Variants in OR4C5 observed in about 807,000 individuals in gnomAD.
OR4C5 encodes the protein olfactory receptor family 4 subfamily C member 5.
For synonymous variants in OR4C5, 134 were observed against 60.3 expected (o/e 2.22, Z -5.66); for missense variants, 301 against 157.9 (o/e 1.91, Z -4.86).
At position 48,365,988 on chromosome 11, in the gene OR4C5, G is replaced by T. The variant is rs72898885; in HGVS notation, c.478C>A (p.Gln160Lys). Reference protein sequence around the residue: ...PLYYLITMNRQVCGLLVAMAW... With the variant: ...PLYYLITMNRKVCGLLVAMAW... The stretch of plus-strand genomic sequence containing the variant: ...ATGGCCACCAGGAGGCCACATACCT[G>T]CCTGTTCATTGTGATCAGGTAGTAC... The change falls in exon 1 of 1, where the codon CAG becomes AAG. Residue 160 changes from glutamine to lysine, a missense_variant. Physicochemically the swap from Gln to Lys is moderately conservative, Grantham distance 53. Coordinates refer to ENST00000319813, the MANE Select transcript of OR4C5 (RefSeq NM_001348223.2). The T allele has an allele frequency of 7.0e-3, 5,020 of 714,546 alleles. 36 individuals are homozygous for T. Among genetic ancestry groups the T allele is most frequent in the Non-Finnish European group, 8.8e-3 (3,435 of 389,208 alleles). 44.3% of individuals were successfully genotyped at this position (714,546 alleles called of 1,614,324 possible). A position where few individuals can be genotyped will look rare whatever the true frequency, so the allele number is the denominator to read the frequency against.
At position 48,365,823 on chromosome 11, in the gene OR4C5, CGTGA is replaced by C. The variant is rs1565010570; in HGVS notation, c.639_642del (p.His214SerfsTer12). 5.7e-6 allele frequency: 4 copies of C among 703,400 alleles called. No homozygotes were observed. The highest frequency in any genetic ancestry group is 1.0e-5 in the Non-Finnish European group (4 of 385,108). The allele number at this position is 703,400 out of a possible 1,614,324, so 43.6% of individuals were successfully genotyped here. A position where few individuals can be genotyped will look rare whatever the true frequency, so the allele number is the denominator to read the frequency against. ...TTGGCGGCAACAAAGAGTCCAAAGACGTGAGTGTCAGTGCAGGAGAGTTTTAGCA... is the reference window on the plus strand; with the variant it reads ...TTGGCGGCAACAAAGAGTCCAAAGACGTGTCAGTGCAGGAGAGTTTTAGCA... On this transcript the variant is annotated frameshift_variant, in exon 1 of 1. Transcript: ENST00000319813. LOFTEE classifies it low-confidence loss of function (END_TRUNC).
Position 48,365,600 on chromosome 11 carries a change from G to A in OR4C5, c.866C>T (p.Thr289Ile). The A allele has an allele frequency of 1.4e-6, 1 of 703,010 alleles. No homozygotes were observed. Among genetic ancestry groups the A allele is most frequent in the Non-Finnish European group, 2.6e-6 (1 of 384,998 alleles). The allele number at this position is 703,010 out of a possible 1,614,324, so 43.5% of individuals were successfully genotyped here. The change falls in exon 1 of 1, where the codon ACT (threonine) becomes ATT (isoleucine). Residue 289 changes from threonine to isoleucine, a missense_variant. Transcript: ENST00000319813. ...PIDKAVSVFY[T>I]VVTPMLNPLI... ...AGGGTTTAACATGGGTGTTACCACA[G>A]TATAAAACACAGACACAGCTTTATC...
Position 48,365,749 on chromosome 11 carries a change from G to T in OR4C5, c.717C>A (p.Tyr239Ter). ...MLIFSILITSYVLILCSQRKA... is the reference protein window; with the variant it reads ...MLIFSILITS ...TCCGCTGTGAGCAGAGGATTAGGAC[G>T]TAAGAGGTAATAAGAATAGAAAAAA... Residue 239 changes from tyrosine to a stop codon, truncating the protein, a stop_gained, in exon 1 of 1, where the codon TAC (tyrosine) becomes TAA (stop). Transcript: ENST00000319813. LOFTEE classifies it low-confidence loss of function (END_TRUNC). The T allele has an allele frequency of 1.4e-6, 1 of 703,200 alleles. No homozygotes were observed. The highest frequency in any genetic ancestry group is 2.7e-5 in the East Asian group (1 of 37,286). The allele number at this position is 703,200 out of a possible 1,614,324, so 43.6% of individuals were successfully genotyped here. A position where few individuals can be genotyped will look rare whatever the true frequency, so the allele number is the denominator to read the frequency against.
chr11:48,365,550 C>CT lies in OR4C5; in HGVS notation c.915dup (p.Glu306ArgfsTer17), dbSNP rs1404688586. On this transcript the variant is annotated frameshift_variant, in exon 1 of 1. Transcript: ENST00000319813. LOFTEE classifies it low-confidence loss of function (END_TRUNC). ...AGCTGCTTCATGGCATTTTTCACCT[C>CT]TGTGTTTCTGAGGGTGTAGATTAAA... 1.4e-6 allele frequency: 1 copy of CT among 702,960 alleles called. No homozygotes were observed. Among genetic ancestry groups the CT allele is most frequent in the Non-Finnish European group, 2.6e-6 (1 of 385,030 alleles). The allele number at this position is 702,960 out of a possible 1,614,324, so 43.5% of individuals were successfully genotyped here. A position where few individuals can be genotyped will look rare whatever the true frequency, so the allele number is the denominator to read the frequency against.
rs1021885269 is a variant in OR4C5 at position 48,365,566 on chromosome 11, GTAGAT to G, written c.895_899del (p.Ile299HisfsTer22). 31 of 702,940 alleles carry G rather than the reference GTAGAT, an allele frequency of 4.4e-5. No homozygotes were observed. In the Admixed American group the frequency reaches 6.0e-4, roughly 14 times the overall value. 43.5% of individuals were successfully genotyped at this position (702,940 alleles called of 1,614,324 possible). Reference sequence around the variant, plus strand: ...TTTTCACCTCTGTGTTTCTGAGGGTGTAGATTAAAGGGTTTAACATGGGTGTTACC... The same window carrying G: ...TTTTCACCTCTGTGTTTCTGAGGGTGTAAAGGGTTTAACATGGGTGTTACC... On this transcript the variant is annotated frameshift_variant, in exon 1 of 1. Coordinates refer to ENST00000319813, the MANE Select transcript of OR4C5 (RefSeq NM_001348223.2). LOFTEE classifies it low-confidence loss of function (END_TRUNC).
chr11:48,365,656 C>T lies in OR4C5; in HGVS notation c.810G>A (p.Val270=), dbSNP rs775268938. Residue 270 remains valine (V), a synonymous_variant, in exon 1 of 1, where the codon GTG becomes GTA. Transcript: ENST00000319813. ...GGAAGGTGATCATGGGTCGAAGGTA[C>T]ACCAATATACAGGGAACAAAGAATA... The part of the protein sequence containing the change: ...VVLFFVPCIL[V]YLRPMITFPI... 28 of 702,930 alleles carry T rather than the reference C, an allele frequency of 4.0e-5. No homozygotes were observed. The highest frequency in any genetic ancestry group is 6.5e-5 in the Non-Finnish European group (25 of 385,028). The allele number at this position is 702,930 out of a possible 1,614,324, so 43.5% of individuals were successfully genotyped here.
Position 48,365,540 on chromosome 11 carries a change from T to G in OR4C5, c.926A>C (p.Asn309Thr). Residue 309 changes from asparagine to threonine, a missense_variant, in exon 1 of 1, where the codon AAT (asparagine) becomes ACT (threonine). Asn to Thr is a moderately conservative substitution (Grantham distance 65). Transcript: ENST00000319813. ...TTGGCTCCAGAGCTGCTTCATGGCA[T>G]TTTTCACCTCTGTGTTTCTGAGGGT... ...IYTLRNTEVKNAMKQLWSQII... is the reference protein window; with the variant it reads ...IYTLRNTEVKTAMKQLWSQII... The G allele has an allele frequency of 2.8e-6, 2 of 703,096 alleles. No homozygotes were observed. Among genetic ancestry groups the G allele is most frequent in the Non-Finnish European group, 2.6e-6 (1 of 385,016 alleles). The allele number at this position is 703,096 out of a possible 1,614,324, so 43.6% of individuals were successfully genotyped here.
Position 48,366,073 on chromosome 11 carries a change from A to T in OR4C5, c.393T>A (p.Val131=). The T allele has an allele frequency of 1.4e-6, 1 of 710,760 alleles. No individual in the cohort carries two copies. The highest frequency in any genetic ancestry group is 2.6e-6 in the Non-Finnish European group (1 of 387,030). The allele number at this position is 710,760 out of a possible 1,614,324, so 44.0% of individuals were successfully genotyped here. A position where few individuals can be genotyped will look rare whatever the true frequency, so the allele number is the denominator to read the frequency against. Residue 131 remains valine (V), a synonymous_variant, in exon 1 of 1, where the codon GTT becomes GTA. Coordinates refer to ENST00000319813, the MANE Select transcript of OR4C5 (RefSeq NM_001348223.2). ...CCATCACCACGAGCAGAATGATCTCAACTCCCCCAAAGAAATGTTCTACAA... is the reference window on the plus strand; with the variant it reads ...CCATCACCACGAGCAGAATGATCTCTACTCCCCCAAAGAAATGTTCTACAA... ...QLFVEHFFGG[V]EIILLVVMAY...
rs961707362 is a variant in OR4C5, at chr11:48,366,054, C to T, written c.412G>A (p.Val138Met). The T allele has an allele frequency of 1.1e-5, 8 of 718,304 alleles. No individual in the cohort carries two copies. The highest frequency in any genetic ancestry group is 5.2e-5 in the African/African-American group (3 of 57,640). The allele number at this position is 718,304 out of a possible 1,614,324, so 44.5% of individuals were successfully genotyped here. The part of the protein sequence containing the change: ...FGGVEIILLV[V>M]MAYDCYVAIC... ...GCCACATAGCAGTCATAGGCCATCA[C>T]CACGAGCAGAATGATCTCAACTCCC... Residue 138 changes from valine (V) to methionine (M), a missense_variant, in exon 1 of 1, where the codon GTG (valine) becomes ATG (methionine). By Grantham distance (21) the Val-to-Met change is conservative. Coordinates refer to ENST00000319813, the MANE Select transcript of OR4C5 (RefSeq NM_001348223.2).
Position 48,365,867 on chromosome 11 carries a change from C to T in OR4C5, c.599G>A (p.Cys200Tyr), listed in dbSNP as rs780872936. 1.4e-4 allele frequency: 99 copies of T among 705,412 alleles called. No individual in the cohort carries two copies. The African/African-American group carries it at 1.6e-3, about 11-fold the overall frequency. 43.7% of individuals were successfully genotyped at this position (705,412 alleles called of 1,614,324 possible). A position where few individuals can be genotyped will look rare whatever the true frequency, so the allele number is the denominator to read the frequency against. Residue 200 changes from cysteine to tyrosine, a missense_variant, in exon 1 of 1, where the codon TGT (cysteine) becomes TAT (tyrosine). By Grantham distance (194) the Cys-to-Tyr change is radical. Coordinates refer to ENST00000319813, the MANE Select transcript of OR4C5 (RefSeq NM_001348223.2). ...CGPNVIDHFICDLFPLLKLSC... is the reference protein window; with the variant it reads ...CGPNVIDHFIYDLFPLLKLSC... ...GAGTTTTAGCAGAGGGAAAAGGTCA[C>T]AGATGAAATGGTCAATGACATTGGG...
Position 48,365,808 on chromosome 11 carries a change from CAA to C in OR4C5, c.656_657del (p.Phe219CysfsTer62), listed in dbSNP as rs1565010553. ...SCTDTHVFGL[F>X]VAANSGLMCM... Reference sequence around the variant, plus strand: ...CACATCAGCCCACTGTTGGCGGCAACAAAGAGTCCAAAGACGTGAGTGTCAGT... The same window carrying C: ...CACATCAGCCCACTGTTGGCGGCAACAGAGTCCAAAGACGTGAGTGTCAGT... On this transcript the variant is annotated frameshift_variant, in exon 1 of 1. Transcript: ENST00000319813. LOFTEE classifies it low-confidence loss of function (END_TRUNC). 1.4e-6 allele frequency: 1 copy of C among 703,318 alleles called. No homozygotes were observed. The highest frequency in any genetic ancestry group is 1.5e-5 in the South Asian group (1 of 67,592). 43.6% of individuals were successfully genotyped at this position (703,318 alleles called of 1,614,324 possible).
chr11:48,365,684 A>T lies in OR4C5; in HGVS notation c.782T>A (p.Val261Asp). The T allele has an allele frequency of 1.4e-6, 1 of 703,268 alleles. No homozygotes were observed. Among genetic ancestry groups the T allele is most frequent in the Non-Finnish European group, 2.6e-6 (1 of 385,054 alleles). The allele number at this position is 703,268 out of a possible 1,614,324, so 43.6% of individuals were successfully genotyped here. Reference protein sequence around the residue: ...STCAFHITVVVLFFVPCILVY... With the variant: ...STCAFHITVVDLFFVPCILVY... Reference sequence around the variant, plus strand: ...CAATATACAGGGAACAAAGAATAGGACGACTACAGTGATATGGAAGGCGCA... The same window carrying T: ...CAATATACAGGGAACAAAGAATAGGTCGACTACAGTGATATGGAAGGCGCA... Residue 261 changes from valine (V) to aspartate (D), a missense_variant, in exon 1 of 1, where the codon GTC becomes GAC. Physicochemically the swap from Val to Asp is radical, Grantham distance 152 (BLOSUM62 -3). Coordinates refer to ENST00000319813, the MANE Select transcript of OR4C5 (RefSeq NM_001348223.2).
In OR4C5 at chr11:48,365,649, G is replaced by T. The variant is rs77053100; in HGVS notation, c.817C>A (p.Arg273=). 1 of 702,948 alleles carries T rather than the reference G, an allele frequency of 1.4e-6. No individual in the cohort carries two copies. Among genetic ancestry groups the T allele is most frequent in the Non-Finnish European group, 2.6e-6 (1 of 385,034 alleles). The allele number at this position is 702,948 out of a possible 1,614,324, so 43.5% of individuals were successfully genotyped here. Residue 273 remains arginine (R), a synonymous_variant, in exon 1 of 1, where the codon CGA becomes AGA. Transcript: ENST00000319813. ...TCAATAGGGAAGGTGATCATGGGTC[G>T]AAGGTACACCAATATACAGGGAACA... is the stretch of plus-strand genomic sequence containing the variant. The part of the protein sequence containing the change: ...FFVPCILVYL[R]PMITFPIDKA...
chr11:48,366,393 C>T lies in OR4C5; in HGVS notation c.73G>A (p.Glu25Lys), dbSNP rs527687055. ...AATTCCGTTATGTTGTTCACTTGCT[C>T]GAAATCCAGTTTGGTATTTGGATAA... ...INYPNTKLDF[E>K]QVNNITEFIL... The change falls in exon 1 of 1, where the codon GAG (glutamate) becomes AAG (lysine). Residue 25 changes from glutamate to lysine, a missense_variant. Physicochemically the swap from Glu to Lys is moderately conservative, Grantham distance 56. Transcript: ENST00000319813. The T allele has an allele frequency of 7.1e-5, 50 of 702,584 alleles. No homozygotes were observed. Among genetic ancestry groups the T allele is most frequent in the East Asian group, 5.1e-4 (19 of 37,276 alleles). The allele number at this position is 702,584 out of a possible 1,614,324, so 43.5% of individuals were successfully genotyped here.
rs1239519521 is a variant in OR4C5, at chr11:48,365,509, G to T, written c.957C>A (p.Ile319=). ...NAMKQLWSQI[I]WGNNLCD ...TCTAATCACACAAATTGTTACCCCA[G>T]ATTATTTGGCTCCAGAGCTGCTTCA... The change falls in exon 1 of 1, where the codon ATC becomes ATA. Residue 319 remains isoleucine, a synonymous_variant. Transcript: ENST00000319813. The T allele has an allele frequency of 1.3e-5, 9 of 702,966 alleles. No homozygotes were observed. The highest frequency in any genetic ancestry group is 2.1e-5 in the Non-Finnish European group (8 of 385,002). 43.5% of individuals were successfully genotyped at this position (702,966 alleles called of 1,614,324 possible).
In OR4C5 at chr11:48,365,721, C is replaced by G. The variant is rs1384475917; in HGVS notation, c.745G>C (p.Ala249Pro). The change falls in exon 1 of 1, where the codon GCT becomes CCT. Residue 249 changes from alanine to proline, a missense_variant. Coordinates refer to ENST00000319813, the MANE Select transcript of OR4C5 (RefSeq NM_001348223.2). ...ATATGGAAGGCGCAGGTAGAGAGAGCCTTCCGCTGTGAGCAGAGGATTAGG... is the reference window on the plus strand; with the variant it reads ...ATATGGAAGGCGCAGGTAGAGAGAGGCTTCCGCTGTGAGCAGAGGATTAGG... ...YVLILCSQRK[A>P]LSTCAFHITV... is the part of the protein sequence containing the mutation. 1.4e-6 allele frequency: 1 copy of G among 703,098 alleles called. No homozygotes were observed. The highest frequency in any genetic ancestry group is 2.6e-6 in the Non-Finnish European group (1 of 385,044). 43.6% of individuals were successfully genotyped at this position (703,098 alleles called of 1,614,324 possible). A position where few individuals can be genotyped will look rare whatever the true frequency, so the allele number is the denominator to read the frequency against.
At position 48,366,378 on chromosome 11, in the gene OR4C5, T is replaced by C. The variant is rs75939575; in HGVS notation, c.88A>G (p.Ile30Val). The change falls in exon 1 of 1, where the codon ATA becomes GTA. Residue 30 changes from isoleucine to valine, a missense_variant. Transcript: ENST00000319813. Reference sequence around the variant, plus strand: ...AGGCCAAGCAAGATGAATTCCGTTATGTTGTTCACTTGCTCGAAATCCAGT... The same window carrying C: ...AGGCCAAGCAAGATGAATTCCGTTACGTTGTTCACTTGCTCGAAATCCAGT... ...TKLDFEQVNN[I>V]TEFILLGLTQ... 4 of 702,820 alleles carry C rather than the reference T, an allele frequency of 5.7e-6. No individual in the cohort carries two copies. Among genetic ancestry groups the C allele is most frequent in the South Asian group, 3.0e-5 (2 of 67,526 alleles). The allele number at this position is 702,820 out of a possible 1,614,324, so 43.5% of individuals were successfully genotyped here.
Position 48,366,370 on chromosome 11 carries a change from T to A in OR4C5, c.96A>T (p.Glu32Asp). 1.4e-6 allele frequency: 1 copy of A among 702,774 alleles called. No homozygotes were observed. Among genetic ancestry groups the A allele is most frequent in the South Asian group, 1.5e-5 (1 of 67,516 alleles). The allele number at this position is 702,774 out of a possible 1,614,324, so 43.5% of individuals were successfully genotyped here. Residue 32 changes from glutamate to aspartate, a missense_variant, in exon 1 of 1, where the codon GAA (glutamate) becomes GAT (aspartate). Physicochemically the swap from Glu to Asp is conservative, Grantham distance 45. Transcript: ENST00000319813. ...TCTGTGTCAGGCCAAGCAAGATGAA[T>A]TCCGTTATGTTGTTCACTTGCTCGA... ...LDFEQVNNIT[E>D]FILLGLTQNA...
At position 48,365,891 on chromosome 11, in the gene OR4C5, G is replaced by A. The variant is rs745656033; in HGVS notation, c.575C>T (p.Pro192Leu). The A allele has an allele frequency of 1.4e-6, 1 of 707,626 alleles. No individual in the cohort carries two copies. The highest frequency in any genetic ancestry group is 2.6e-6 in the Non-Finnish European group (1 of 386,916). The allele number at this position is 707,626 out of a possible 1,614,324, so 43.8% of individuals were successfully genotyped here. A position where few individuals can be genotyped will look rare whatever the true frequency, so the allele number is the denominator to read the frequency against. ...ACAGATGAAATGGTCAATGACATTG[G>A]GGCCACAGAAGGGCAGCCAGACTAT... is the stretch of plus-strand genomic sequence containing the variant. ...LLIVWLPFCG[P>L]NVIDHFICDL... The change falls in exon 1 of 1, where the codon CCC becomes CTC. Residue 192 changes from proline to leucine, a missense_variant. Physicochemically the swap from Pro to Leu is moderately conservative, Grantham distance 98. Transcript: ENST00000319813.
Sources: allele counts gnomAD v4.1 joint callset, GRCh38; gene constraint gnomAD v4.1.1; transcripts MANE v1.5; gene names NCBI Gene and HGNC (gene_info 2026-07-23, HGNC 2026-07-21).